Variants in TACC2 observed in about 807,000 individuals in gnomAD.
The protein encoded by TACC2 is transforming acidic coiled-coil-containing protein 2.
In TACC2, 137 loss-of-function variants were observed where a neutral mutation model predicts 227.3. That is an observed-to-expected ratio of 0.60 (90% CI 0.52 to 0.69). TACC2 has a LOEUF of 0.69. TACC2 is among the 30% of genes least tolerant of loss of function. The pLI, the probability that TACC2 is intolerant of heterozygous loss-of-function variation, is 0.00. For synonymous variants in TACC2, 1,523 were observed against 1,487.5 expected (o/e 1.02, Z -0.55); for missense variants, 3,470 against 3,694.4 (o/e 0.94, Z 1.57).
intron 6 of TACC2, among the ~76,000 whole-genome samples, chr10:122,140,695 A>G (rs1272745360): frequency 1.3e-5 from 2 of 152,182 alleles, no homozygotes; most frequent in Non-Finnish European, 2.9e-5. Flanking sequence ...CCTGAGAACA[A>G]TGTCTTTAAG....
chr10:122,213,398 C>G (rs554708392), intron 9 of TACC2: 2 of 1,611,296 alleles, frequency 1.2e-6, no homozygotes, highest in East Asian at 2.2e-5. Context: ...TTAATGCAAT[C>G]TGCCTCTTAT....
intron 16 of TACC2, among the ~76,000 whole-genome samples, chr10:122,237,059 G>T (rs1213758674): frequency 1.3e-5 from 2 of 152,204 alleles, no homozygotes; most frequent in Non-Finnish European, 2.9e-5. Context: ...GCTGAATAGT[G>T]CCCTGGGTTC....
At chr10:122,236,309 A>G (rs2095855853) in intron 16 of TACC2, among the ~76,000 whole-genome samples, 1 of 152,028 alleles carries the variant, frequency 6.6e-6, no homozygotes, top group African/African-American at 2.4e-5. Context: ...GCCTTCCACC[A>G]TTCAATTTCT....
chr10:122,207,158 G>A (rs1377010586), intron 8 of TACC2, among the ~76,000 whole-genome samples: 1 of 152,050 alleles, frequency 6.6e-6, no homozygotes, highest in Non-Finnish European at 1.5e-5. Flanking sequence ...AATTAGCCAG[G>A]CGTGGTGGCA....
chr10:122,154,986 T>C (rs780773329), intron 7 of TACC2, among the ~76,000 whole-genome samples: 14 of 152,246 alleles, frequency 9.2e-5, no homozygotes, highest in Non-Finnish European at 1.9e-4. Context: ...GGCAGCCCTG[T>C]GCCAGCTTCT....
chr10:122,133,609 T>C (rs1156289451), intron 6 of TACC2, among the ~76,000 whole-genome samples: 1 of 152,300 alleles, frequency 6.6e-6, no homozygotes, highest in East Asian at 1.9e-4. Flanking sequence ...TTGCCCAATA[T>C]TGCACAGTGC....
chr10:122,084,982 A>G lies in TACC2; in HGVS notation c.2482A>G (p.Lys828Glu). The change falls in exon 4 of 23, where the codon AAG (lysine) becomes GAG (glutamate). Residue 828 changes from lysine to glutamate, a missense_variant. Lys to Glu is a moderately conservative substitution (Grantham distance 56). This residue lies in a region of TACC2 where 1,924 missense variants were observed against 1,978.3 expected (regional missense o/e 0.97). Coordinates refer to ENST00000369005, the MANE Select transcript of TACC2 (RefSeq NM_206862.4). Reference sequence around the variant, plus strand: ...CGAGTGGCCCCTACTATCTTCTGAGAAGCATCTCCAGCCATCCCAGGCACA... The same window carrying G: ...CGAGTGGCCCCTACTATCTTCTGAGGAGCATCTCCAGCCATCCCAGGCACA... ...ASEWPLLSSEKHLQPSQAQPE... is the reference protein window; with the variant it reads ...ASEWPLLSSEEHLQPSQAQPE... 6.2e-7 allele frequency: 1 copy of G among 1,614,162 alleles called. No homozygotes were observed.
intron 1 of TACC2, among the ~76,000 whole-genome samples, chr10:122,003,098 G>A (rs1954615658): frequency 6.6e-6 from 1 of 152,050 alleles, no homozygotes; most frequent in African/African-American, 2.4e-5. Flanking sequence ...AGCTACTCTG[G>A]AGGCTGAGGC....
rs2137149745 is a variant in TACC2, at chr10:122,086,314, G to T, written c.3814G>T (p.Gly1272Trp). 1 of 1,613,904 alleles carries T rather than the reference G, an allele frequency of 6.2e-7. No homozygotes were observed. The highest frequency in any genetic ancestry group is 8.5e-7 in the Non-Finnish European group (1 of 1,180,036). ...TCCTGGCGAAAGCCCCTGTCCTGTA[G>T]GGGAGCCCCCACTTGCCTTGGAAAA... ...RAPGESPCPV[G>W]EPPLALENAA... Residue 1272 changes from glycine to tryptophan, a missense_variant, in exon 4 of 23, where the codon GGG (glycine) becomes TGG (tryptophan). Transcript: ENST00000369005.
rs887986265 is a variant in TACC2 at position 122,083,156 on chromosome 10, A to G, written c.656A>G (p.Gln219Arg). The G allele has an allele frequency of 2.5e-6, 4 of 1,613,230 alleles. No homozygotes were observed. The highest frequency in any genetic ancestry group is 3.4e-6 in the Non-Finnish European group (4 of 1,180,010). The change falls in exon 4 of 23, where the codon CAG (glutamine) becomes CGG (arginine). Residue 219 changes from glutamine (Q) to arginine (R), a missense_variant. Gln to Arg is a conservative substitution (Grantham distance 43). Transcript: ENST00000369005. ...GCACCGCTGTGTGGAGAGGGGGACC[A>G]GCCTGGTGGTTTTGAGTCCCAAGAG... is the stretch of plus-strand genomic sequence containing the variant. Reference protein sequence around the residue: ...MKAPLCGEGDQPGGFESQEKE... With the variant: ...MKAPLCGEGDRPGGFESQEKE...
In TACC2 at chr10:122,173,533, C is replaced by T. The variant is rs551491758; in HGVS notation, c.5835-21507C>T. ...CTGGCACTTGTCACGAGCATCTTTA[C>T]GTGCCAGGGCACAGCCTAAGAGAAG... On this transcript the variant is annotated intron_variant, in intron 7 of 22. Coordinates refer to ENST00000369005, the MANE Select transcript of TACC2 (RefSeq NM_206862.4). Among the ~76,000 whole-genome samples, 13 of 152,354 alleles carry T rather than the reference C, an allele frequency of 8.5e-5. No homozygotes were observed. In the South Asian group the frequency reaches 2.1e-3, roughly 24 times the overall value.
At chr10:121,989,714 G>C (rs1027142866) in intron 1 of TACC2, among the ~76,000 whole-genome samples, 3 of 151,584 alleles carry the variant, frequency 2.0e-5, no homozygotes, top group African/African-American at 7.3e-5. Context: ...TTCAACTTTG[G>C]AAAAAATTAT....
intron 3 of TACC2, among the ~76,000 whole-genome samples, chr10:122,071,111 A>G (rs2078007737): frequency 6.6e-6 from 1 of 152,226 alleles, no homozygotes; most frequent in Admixed American, 6.5e-5. Flanking sequence ...ATACTCAGGT[A>G]AATATTCTAC....
intron 1 of TACC2, among the ~76,000 whole-genome samples, chr10:122,020,108 G>A (rs960116625): frequency 2.6e-5 from 4 of 152,076 alleles, no homozygotes; most frequent in Admixed American, 6.6e-5. Context: ...ATTTAATTTG[G>A]TTAATGATTG....
intron 2 of TACC2, among the ~76,000 whole-genome samples, chr10:122,049,374 A>G (rs976600022): frequency 2.0e-5 from 3 of 152,168 alleles, no homozygotes; most frequent in Non-Finnish European, 1.5e-5. Flanking sequence ...CTCACCTTCT[A>G]TAGAACCCCC....
At chr10:122,081,031 TGA>T (rs1189659306) in intron 3 of TACC2, among the ~76,000 whole-genome samples, 1 of 152,198 alleles carries the variant, frequency 6.6e-6, no homozygotes, top group Non-Finnish European at 1.5e-5. Flanking sequence ...AGAATATATA[TGA>T]TCATAACAAG....
intron 5 of TACC2, 29 bp downstream of exon 5, chr10:122,088,620 G>A (rs1391169845): frequency 6.2e-7 from 1 of 1,602,536 alleles, no homozygotes; most frequent in East Asian, 2.2e-5. Context: ...TCTTTGGAAG[G>A]CCATGATGCC....
intron 16 of TACC2, among the ~76,000 whole-genome samples, chr10:122,231,310 C>A (rs1169818696): frequency 6.6e-6 from 1 of 152,190 alleles, no homozygotes; most frequent in African/African-American, 2.4e-5. Flanking sequence ...TCACCCCACC[C>A]CAAGTTGGAC....
At chr10:122,230,548 A>G in intron 16 of TACC2, 108 bp downstream of exon 16, 1 of 994,846 alleles carries the variant, frequency 1.0e-6, no homozygotes, top group South Asian at 1.3e-5. Flanking sequence ...ATCGGTGTCC[A>G]GCAAAGAGTC....
Sources: allele counts gnomAD v4.1 joint callset (sites outside exome capture counted in the v4.1 genomes callset), GRCh38; gene constraint gnomAD v4.1.1; regional missense constraint gnomAD v4.1.1; transcripts MANE v1.5; gene names NCBI Gene and HGNC (gene_info 2026-07-23, HGNC 2026-07-21).